The following KSR2 variants were observed in gnomAD, a reference collection of about 807,000 sequenced individuals.
KSR2 encodes kinase suppressor of ras 2.
KSR2 carries 25 observed loss-of-function variants against 107.8 expected under a neutral mutation model. The ratio of observed to expected loss-of-function variants is 0.23; its 90% confidence interval spans 0.17 to 0.32. KSR2 has a LOEUF of 0.32. KSR2 is among the 10% of genes least tolerant of loss of function. KSR2 has a pLI of 1.00. For synonymous variants in KSR2, 480 were observed against 507.0 expected (o/e 0.95, Z 0.71); for missense variants, 887 against 1,268.9 (o/e 0.70, Z 4.57).
chr12:117,848,835 G>GTGATGGTGATGGTGGTAGTGGTGGTGA (rs1226463085), intron 3 of KSR2, among the ~76,000 whole-genome samples: 1 of 40,134 alleles, frequency 2.5e-5, no homozygotes, highest in Non-Finnish European at 5.8e-5. Context: ...GATGGTGGTA[G>GTGATGGTGATGGTGGTAGTGGTGGTGA]TGGTGGTGAT....
At chr12:117,848,281 C>G (rs1892771505) in intron 3 of KSR2, among the ~76,000 whole-genome samples, 1 of 152,238 alleles carries the variant, frequency 6.6e-6, no homozygotes, top group South Asian at 2.1e-4. Context: ...TCTGATAAGA[C>G]AGCTGTGGCC....
chr12:117,890,944 C>T (rs144436105), intron 1 of KSR2: 1 of 152,250 alleles, frequency 6.6e-6, no homozygotes, highest in African/African-American at 2.4e-5. Context: ...ACCATGGGGT[C>T]ACCTTGCTAC....
chr12:117,855,335 C>A, intron 3 of KSR2, 93 bp downstream of exon 3: 1 of 1,547,428 alleles, frequency 6.5e-7, no homozygotes, highest in Non-Finnish European at 8.8e-7. Context: ...TCTGTCTCGT[C>A]CTGGCCTGCA....
At chr12:117,736,078 AC>A (rs2136755964) in intron 4 of KSR2, among the ~76,000 whole-genome samples, 1 of 152,302 alleles carries the variant, frequency 6.6e-6, no homozygotes, top group African/African-American at 2.4e-5. Flanking sequence ...TGCCAACCTG[AC>A]TTTTGGTCAT....
intron 1 of KSR2, among the ~76,000 whole-genome samples, chr12:117,928,137 T>A (rs1895590344): frequency 6.6e-6 from 1 of 152,230 alleles, no homozygotes; most frequent in Admixed American, 6.6e-5. Flanking sequence ...TTTTCAAGGT[T>A]TATCCATGTT....
At chr12:117,563,515 G>A (rs1308387208) in intron 7 of KSR2, among the ~76,000 whole-genome samples, 1 of 152,068 alleles carries the variant, frequency 6.6e-6, no homozygotes, top group Non-Finnish European at 1.5e-5. Flanking sequence ...TGCCTCTCTG[G>A]GTTGCAGTGA....
Position 117,842,244 on chromosome 12 carries a change from A to C in KSR2, c.472+13184T>G, listed in dbSNP as rs1892518548. 6.6e-6 allele frequency among the ~76,000 whole-genome samples: 1 copy of C among 152,208 alleles called. No homozygotes were observed. The highest frequency in any genetic ancestry group is 2.4e-5 in the African/African-American group (1 of 41,454). On this transcript the variant is annotated intron_variant, in intron 3 of 19. Coordinates refer to ENST00000339824, the MANE Select transcript of KSR2 (RefSeq NM_173598.6). The surrounding 1 kb of genome is among the most constrained non-coding windows in gnomAD (Gnocchi z 4.2). Reference sequence around the variant, plus strand: ...CAAAATCATTTTAGATATGCTAGAGACTATGATAGGATAGAGAGTGGCCAG... The same window carrying C: ...CAAAATCATTTTAGATATGCTAGAGCCTATGATAGGATAGAGAGTGGCCAG...
intron 4 of KSR2, among the ~76,000 whole-genome samples, chr12:117,710,158 G>A (rs1044717590): frequency 2.0e-5 from 3 of 152,012 alleles, no homozygotes; most frequent in Admixed American, 6.6e-5. Flanking sequence ...AGCGAGCCCC[G>A]ACAGGTAATG....
intron 18 of KSR2, among the ~76,000 whole-genome samples, chr12:117,470,065 C>T (rs553422651): frequency 5.3e-4 from 80 of 151,992 alleles, no homozygotes; most frequent in African/African-American, 1.9e-3. Flanking sequence ...TTCACTCTTC[C>T]ATCCTTCATC....
chr12:117,586,487 T>C (rs1026802999), intron 5 of KSR2, among the ~76,000 whole-genome samples: 1 of 150,436 alleles, frequency 6.6e-6, no homozygotes, highest in African/African-American at 2.5e-5. Flanking sequence ...CTCGGGATGC[T>C]GAGGCAGGAG....
intron 1 of KSR2, among the ~76,000 whole-genome samples, chr12:117,960,580 T>C (rs971894621): frequency 6.6e-6 from 1 of 152,166 alleles, no homozygotes; most frequent in Non-Finnish European, 1.5e-5. Context: ...CCAGCCACAG[T>C]TGAGCCATCA....
intron 1 of KSR2, among the ~76,000 whole-genome samples, chr12:117,915,553 G>A (rs1895147814): frequency 6.6e-6 from 1 of 152,172 alleles, no homozygotes; most frequent in Non-Finnish European, 1.5e-5. Context: ...CAGGCCATGT[G>A]GTGGGGAAAT....
chr12:117,524,084 T>C (rs1458021970), intron 14 of KSR2, among the ~76,000 whole-genome samples: 3 of 152,226 alleles, frequency 2.0e-5, no homozygotes, highest in Non-Finnish European at 4.4e-5. Context: ...CCCTGCAATT[T>C]CATTTGCAGA....
At chr12:117,501,608 A>C (rs1873381311) in intron 14 of KSR2, among the ~76,000 whole-genome samples, 1 of 152,262 alleles carries the variant, frequency 6.6e-6, no homozygotes, top group South Asian at 2.1e-4. Context: ...AGAAAGAGCC[A>C]GCAAGTGTCA....
intron 3 of KSR2, among the ~76,000 whole-genome samples, chr12:117,835,980 A>G (rs1176840155): frequency 1.3e-5 from 2 of 151,998 alleles, no homozygotes; most frequent in African/African-American, 2.4e-5. Context: ...GTTAGGAAGT[A>G]CCCTCCGTAA....
chr12:117,868,355 G>A (rs1893543219), intron 1 of KSR2, among the ~76,000 whole-genome samples: 1 of 151,738 alleles, frequency 6.6e-6, no homozygotes, highest in African/African-American at 2.4e-5. Flanking sequence ...CCCAGGAGGT[G>A]GAGGTTGCAG....
At chr12:117,956,392 ACC>A (rs775350987) in intron 1 of KSR2, among the ~76,000 whole-genome samples, 19 of 151,342 alleles carry the variant, frequency 1.3e-4, no homozygotes, top group Non-Finnish European at 2.4e-4. Flanking sequence ...ACATAGCAAG[ACC>A]CGCACCTCTA....
At chr12:117,799,331 G>T (rs766032655) in intron 3 of KSR2, among the ~76,000 whole-genome samples, 2 of 151,830 alleles carry the variant, frequency 1.3e-5, no homozygotes, top group African/African-American at 2.4e-5. Flanking sequence ...GTGAAACCCC[G>T]TCTCTACTAA....
rs368221199 is a variant in KSR2 at position 117,464,449 on chromosome 12, G to A, written c.*2750C>T. The A allele has an allele frequency of 9.8e-5, 15 of 152,322 alleles. No individual in the cohort carries two copies. The East Asian group carries it at 2.5e-3, about 25-fold the overall frequency. The allele number at this position is 152,322 out of a possible 1,614,324, so 9.4% of individuals were successfully genotyped here. A position where few individuals can be genotyped will look rare whatever the true frequency, so the allele number is the denominator to read the frequency against. ...ATAGAATGAGTTGCAGGTGAGGCTG[G>A]TAATTATGATGTAAAAATATACAGC... On this transcript the variant is annotated 3_prime_UTR_variant, in exon 20 of 20. Coordinates refer to ENST00000339824, the MANE Select transcript of KSR2 (RefSeq NM_173598.6).
Sources: gnomAD v4.1 joint callset for allele counts (sites outside exome capture counted in the v4.1 genomes callset) on GRCh38, gnomAD v4.1.1 for gene constraint, Gnocchi (gnomAD v3.1) non-coding constraint, MANE v1.5 for transcripts, NCBI Gene and HGNC (gene_info 2026-07-23, HGNC 2026-07-21) for gene names.